The following HMCN1 variants were observed in gnomAD, a reference collection of about 807,000 sequenced individuals.
HMCN1 encodes hemicentin-1.
A neutral mutation model predicts 625.9 loss-of-function variants in HMCN1; 321 were observed. The ratio of observed to expected loss-of-function variants is 0.51; its 90% confidence interval spans 0.47 to 0.56. HMCN1 has a LOEUF of 0.56. Ranked by LOEUF, HMCN1 falls within the 20% of genes least tolerant of loss-of-function variation. The probability of loss-of-function intolerance (pLI) is 0.00; values close to 1 mark genes in which losing one functional copy is unlikely to be tolerated. For missense variants in HMCN1, 6,588 were observed against 6,887.3 expected (o/e 0.96, Z 1.54); for synonymous variants, 2,425 against 2,417.6 (o/e 1.00, Z -0.09).
At chr1:185,758,796 G>A (rs1203026844) in intron 1 of HMCN1, among the ~76,000 whole-genome samples, 1 of 151,470 alleles carries the variant, frequency 6.6e-6, no homozygotes, top group Non-Finnish European at 1.5e-5. Flanking sequence ...TAGTTAGAGA[G>A]TTAAAATTTA....
At chr1:185,897,197 T>C (rs1665539289) in intron 4 of HMCN1, among the ~76,000 whole-genome samples, 1 of 152,228 alleles carries the variant, frequency 6.6e-6, no homozygotes, top group African/African-American at 2.4e-5. Context: ...GTTTCTTTAC[T>C]ACTTTTCTTT....
At chr1:185,949,639 T>A (rs532273046) in intron 11 of HMCN1, among the ~76,000 whole-genome samples, 23 of 151,962 alleles carry the variant, frequency 1.5e-4, no homozygotes, top group Middle Eastern at 6.8e-3. Flanking sequence ...CAGACTGTAT[T>A]GAGGTGGGAA....
At chr1:186,132,731 T>C (rs1017509988) in intron 86 of HMCN1, among the ~76,000 whole-genome samples, 9 of 151,972 alleles carry the variant, frequency 5.9e-5, no homozygotes, top group Non-Finnish European at 1.2e-4. Flanking sequence ...ATGTGCCATG[T>C]TGGTGTGCTG....
At chr1:186,173,295 G>C (rs1652346800) in intron 102 of HMCN1, among the ~76,000 whole-genome samples, 1 of 152,058 alleles carries the variant, frequency 6.6e-6, no homozygotes. Flanking sequence ...GTTCATGGTG[G>C]TTTAGTATAA....
chr1:186,146,930 A>T (rs908975699), intron 93 of HMCN1, among the ~76,000 whole-genome samples: 1 of 152,210 alleles, frequency 6.6e-6, no homozygotes, highest in African/African-American at 2.4e-5. Flanking sequence ...CTGGGACTCA[A>T]GTCCCTCTGT....
Position 185,832,794 on chromosome 1 carries a change from G to C in HMCN1, c.269-13232G>C, listed in dbSNP as rs575889279. ...TACTACCTAAAAGAAAGCTATTTCT[G>C]CATGGCCAAAATTGCTATAAGAAAC... On this transcript the variant is annotated intron_variant, in intron 1 of 106. Coordinates refer to ENST00000271588, the MANE Select transcript of HMCN1 (RefSeq NM_031935.3). Among the ~76,000 whole-genome samples the C allele has an allele frequency of 2.2e-4, 34 of 152,264 alleles. 1 individual carries two copies. Among genetic ancestry groups the C allele is most frequent in the African/African-American group, 7.2e-4 (30 of 41,570 alleles).
chr1:186,113,888 C>G (rs925992117), intron 72 of HMCN1, 91 bp from the exon 73 acceptor site: 1 of 1,393,372 alleles, frequency 7.2e-7, no homozygotes, highest in Non-Finnish European at 1.0e-6. Flanking sequence ...ACATTTGACT[C>G]GAAGCTCATC....
chr1:185,938,828 C>T (rs936489817), intron 11 of HMCN1, among the ~76,000 whole-genome samples: 1 of 152,004 alleles, frequency 6.6e-6, no homozygotes, highest in Non-Finnish European at 1.5e-5. Flanking sequence ...CAATGAATTC[C>T]TTTTCTGCTT....
chr1:185,941,297 A>G (rs1668068494), intron 11 of HMCN1, among the ~76,000 whole-genome samples: 1 of 152,344 alleles, frequency 6.6e-6, no homozygotes, highest in East Asian at 1.9e-4. Context: ...TGGGAAGTTT[A>G]TCTCATATCT....
chr1:186,154,045 A>C (rs1396772532), intron 97 of HMCN1, 58 bp downstream of exon 97: 2 of 1,395,916 alleles, frequency 1.4e-6, no homozygotes, highest in Non-Finnish European at 2.0e-6. Context: ...GGGTTAAAAA[A>C]ATTCAAAATA....
intron 85 of HMCN1, among the ~76,000 whole-genome samples, chr1:186,131,161 A>G (rs1274172518): frequency 6.6e-6 from 1 of 152,190 alleles, no homozygotes; most frequent in Non-Finnish European, 1.5e-5. Context: ...CTCAACTAGA[A>G]TACACATTAA....
At chr1:185,814,433 T>G (rs1659719723) in intron 1 of HMCN1, among the ~76,000 whole-genome samples, 1 of 152,174 alleles carries the variant, frequency 6.6e-6, no homozygotes, top group African/African-American at 2.4e-5. Flanking sequence ...GTTGAAGTCT[T>G]CTGAGAAATT....
chr1:185,744,495 T>A (rs930962896), intron 1 of HMCN1, among the ~76,000 whole-genome samples: 4 of 152,210 alleles, frequency 2.6e-5, no homozygotes, highest in Non-Finnish European at 4.4e-5. Flanking sequence ...AGCCATTAGA[T>A]CCACTCATTC....
intron 100 of HMCN1, among the ~76,000 whole-genome samples, chr1:186,168,809 A>G (rs1652049706): frequency 6.6e-6 from 1 of 152,114 alleles, no homozygotes; most frequent in Admixed American, 6.6e-5. Flanking sequence ...ACATGTACAG[A>G]AAGTGCAGGT....
intron 4 of HMCN1, among the ~76,000 whole-genome samples, chr1:185,883,572 T>C (rs1057026869): frequency 5.3e-5 from 8 of 152,040 alleles, no homozygotes; most frequent in African/African-American, 1.9e-4. Flanking sequence ...TGTGTATCAT[T>C]AGTTGGTTCC....
chr1:186,032,327 C>T (rs1655510443), intron 36 of HMCN1, among the ~76,000 whole-genome samples: 1 of 152,104 alleles, frequency 6.6e-6, no homozygotes, highest in South Asian at 2.1e-4. Flanking sequence ...CATCATTCAT[C>T]ATCAGGGAAA....
intron 42 of HMCN1, 137 bp downstream of exon 42, chr1:186,048,976 A>T (rs1166486754): frequency 1.5e-6 from 1 of 661,400 alleles, no homozygotes; most frequent in African/African-American, 1.8e-5. Context: ...ATGGTGCTGA[A>T]CTGTCCTGGG....
At chr1:185,749,393 G>A (rs1281445393) in intron 1 of HMCN1, among the ~76,000 whole-genome samples, 1 of 152,082 alleles carries the variant, frequency 6.6e-6, no homozygotes, top group East Asian at 1.9e-4. Flanking sequence ...TACCCAGGGA[G>A]GCCAGGCAGG....
intron 101 of HMCN1, 151 bp from the exon 102 acceptor site, chr1:186,171,855 C>T (rs944434886): frequency 6.2e-6 from 4 of 644,972 alleles, no homozygotes; most frequent in Non-Finnish European, 1.0e-5. Context: ...GTGTTACATA[C>T]ATTGTTGAAT....
Sources: allele counts gnomAD v4.1 joint callset (sites outside exome capture counted in the v4.1 genomes callset), GRCh38; gene constraint gnomAD v4.1.1; transcripts MANE v1.5; gene names NCBI Gene and HGNC (gene_info 2026-07-23, HGNC 2026-07-21).